The following CSMD3 variants were observed in gnomAD, a reference collection of about 807,000 sequenced individuals.
CSMD3 encodes the protein CUB and sushi domain-containing protein 3.
In CSMD3, 177 loss-of-function variants were observed where a neutral mutation model predicts 435.2. The observed-to-expected ratio is 0.41, with a 90% CI of 0.36 to 0.46. The LOEUF (loss-of-function observed/expected upper bound fraction) is 0.46, where lower values mean the gene tolerates loss of function less well. Among genes scored for constraint, CSMD3 ranks in the 20% least tolerant of loss-of-function variants. CSMD3 has a pLI of 0.34. For synonymous variants in CSMD3, 1,656 were observed against 1,520.5 expected, an observed-to-expected ratio of 1.09 and a Z score of -2.07; for missense variants, 4,265 against 4,504.6, an observed-to-expected ratio of 0.95 and a Z score of 1.52.
intron 2 of CSMD3, among the ~76,000 whole-genome samples, chr8:113,306,217 T>C (rs1349540594): frequency 6.6e-6 from 1 of 152,162 alleles, no homozygotes; most frequent in Non-Finnish European, 1.5e-5. Context: ...ACGCAATCAC[T>C]CTATGCCATT....
chr8:112,265,238 A>C (rs1218198841), intron 60 of CSMD3, among the ~76,000 whole-genome samples, 173 bp downstream of exon 60: 1 of 151,916 alleles, frequency 6.6e-6, no homozygotes, highest in African/African-American at 2.4e-5. Flanking sequence ...ATATTATTTT[A>C]AATTCTATAT....
At chr8:113,086,336 A>C (rs1324753551) in intron 5 of CSMD3, among the ~76,000 whole-genome samples, 2 of 152,116 alleles carry the variant, frequency 1.3e-5, no homozygotes, top group Non-Finnish European at 2.9e-5. Flanking sequence ...AATCTATAGA[A>C]ATAGAGAATA....
At chr8:112,782,001 T>C (rs1232506583) in intron 13 of CSMD3, among the ~76,000 whole-genome samples, 2 of 152,120 alleles carry the variant, frequency 1.3e-5, no homozygotes, top group Non-Finnish European at 2.9e-5. Flanking sequence ...CTGTGAAGAT[T>C]GCAATAAATA....
chr8:112,671,877 A>T (rs905500859), intron 16 of CSMD3, among the ~76,000 whole-genome samples: 1 of 152,070 alleles, frequency 6.6e-6, no homozygotes, highest in Admixed American at 6.6e-5. Context: ...TTTTAGTATA[A>T]TTTTGAGGCT....
intron 38 of CSMD3, among the ~76,000 whole-genome samples, chr8:112,365,468 CTTT>C (rs546920182): frequency 0.22 from 24,852 of 112,392 alleles, 2,682 homozygotes; most frequent in Middle Eastern, 0.37. Context: ...CATAGATTTC[CTTT>C]TTTTTTTTTT....
intron 27 of CSMD3, among the ~76,000 whole-genome samples, chr8:112,549,073 C>A (rs892616282): frequency 3.9e-5 from 6 of 152,012 alleles, no homozygotes; most frequent in Non-Finnish European, 7.4e-5. Flanking sequence ...CATTTGCAAA[C>A]ACTGAGCTTG....
At chr8:112,968,316 C>T (rs2084502125) in intron 7 of CSMD3, among the ~76,000 whole-genome samples, 1 of 151,716 alleles carries the variant, frequency 6.6e-6, no homozygotes, top group South Asian at 2.1e-4. Context: ...GAATCATAGA[C>T]TTTTGGGATT....
intron 32 of CSMD3, among the ~76,000 whole-genome samples, chr8:112,430,929 C>T (rs1223895425): frequency 6.7e-6 from 1 of 149,406 alleles, no homozygotes; most frequent in Non-Finnish European, 1.5e-5. Context: ...TGTTTACTTT[C>T]ACTTGAGGTA....
At chr8:113,094,965 G>A (rs1455173592) in intron 5 of CSMD3, among the ~76,000 whole-genome samples, 1 of 151,886 alleles carries the variant, frequency 6.6e-6, no homozygotes, top group Non-Finnish European at 1.5e-5. Flanking sequence ...CAGCTACTCG[G>A]GAGGCTGAGG....
At chr8:112,308,584 C>T (rs1004990223) in intron 50 of CSMD3, among the ~76,000 whole-genome samples, 1 of 151,978 alleles carries the variant, frequency 6.6e-6, no homozygotes, top group African/African-American at 2.4e-5. Flanking sequence ...AGAGGCTTGT[C>T]TATACAACTC....
intron 3 of CSMD3, among the ~76,000 whole-genome samples, chr8:113,267,445 A>T (rs1293018996): frequency 6.6e-6 from 1 of 151,226 alleles, no homozygotes; most frequent in South Asian, 2.1e-4. Context: ...ATTTGCAGCA[A>T]CATCGATGGA....
intron 1 of CSMD3, among the ~76,000 whole-genome samples, chr8:113,319,893 C>A (rs2093937569): frequency 6.6e-6 from 1 of 152,016 alleles, no homozygotes. Context: ...CTTTATAGTA[C>A]ATGTGGAACA....
chr8:113,384,281 T>C (rs1168576689), intron 1 of CSMD3, among the ~76,000 whole-genome samples: 2 of 152,204 alleles, frequency 1.3e-5, no homozygotes, highest in African/African-American at 4.8e-5. Flanking sequence ...GTCTGACATT[T>C]GGAGGGCACT....
rs148743223 is a variant in CSMD3, at chr8:112,522,279, A to G, written c.4565-5054T>C. Among the ~76,000 whole-genome samples, 453 of 152,012 alleles carry G rather than the reference A, an allele frequency of 3.0e-3. 1 individual carries two copies. The highest frequency in any genetic ancestry group is 5.0e-3 in the Non-Finnish European group (341 of 67,774). On this transcript the variant is annotated intron_variant, in intron 27 of 70. Transcript: ENST00000297405. ...CTAACTGCTTATACGTAGAAGAAAC[A>G]ATTTTTCAAGATATGTTGTTTTATT...
intron 13 of CSMD3, among the ~76,000 whole-genome samples, chr8:112,769,325 A>T (rs2078055840): frequency 2.0e-5 from 3 of 151,962 alleles, no homozygotes; most frequent in African/African-American, 7.2e-5. Context: ...GACCTGCATG[A>T]TCTATACAGG....
intron 10 of CSMD3, among the ~76,000 whole-genome samples, chr8:112,893,865 A>G (rs1289209089): frequency 6.6e-6 from 1 of 151,518 alleles, no homozygotes; most frequent in Admixed American, 6.6e-5. Flanking sequence ...ATACAGAAAG[A>G]ACAGTATACT....
At chr8:113,410,732 T>A (rs980933426) in intron 1 of CSMD3, among the ~76,000 whole-genome samples, 80 of 97,576 alleles carry the variant, frequency 8.2e-4, no homozygotes, top group African/African-American at 3.3e-3. Context: ...TGAGACCTCA[T>A]CTGTACTGGA....
At chr8:113,399,157 C>CAT (rs909765359) in intron 1 of CSMD3, among the ~76,000 whole-genome samples, 50 of 133,968 alleles carry the variant, frequency 3.7e-4, no homozygotes, top group Admixed American at 3.8e-4. Context: ...CAGTAATTTT[C>CAT]ATATATATAT....
At chr8:112,669,850 G>C (rs1383090492) in intron 16 of CSMD3, among the ~76,000 whole-genome samples, 1 of 152,104 alleles carries the variant, frequency 6.6e-6, no homozygotes, top group Admixed American at 6.6e-5. Flanking sequence ...AGCCAGATAA[G>C]TACACTATTA....
Sources: allele counts gnomAD v4.1 joint callset (sites outside exome capture counted in the v4.1 genomes callset), GRCh38; gene constraint gnomAD v4.1.1; transcripts MANE v1.5; gene names NCBI Gene and HGNC (gene_info 2026-07-23, HGNC 2026-07-21).